DENND1A: variants seen among roughly 807,000 people sequenced by gnomAD.
DENND1A encodes DENN domain containing 1A, also known as DENN domain-containing protein 1A.
Under a neutral mutation model 113.7 loss-of-function variants are expected in DENND1A, and 51 were observed. The observed-to-expected ratio is 0.45, with a 90% CI of 0.36 to 0.57. The LOEUF is 0.57. Among genes scored for constraint, DENND1A ranks in the 20% least tolerant of loss-of-function variants. The probability of loss-of-function intolerance (pLI) is 0.00; values close to 1 mark genes in which losing one functional copy is unlikely to be tolerated. For synonymous variants in DENND1A, 565 were observed against 570.8 expected, an observed-to-expected ratio of 0.99 and a Z score of 0.14; for missense variants, 1,258 against 1,395.9, an observed-to-expected ratio of 0.90 and a Z score of 1.57.
Position 123,879,021 on chromosome 9 carries a change from C to T in DENND1A, c.18G>A (p.Lys6=), listed in dbSNP as rs1847928913. Residue 6 remains lysine (K), a splice_region_variant and synonymous_variant, in exon 2 of 24, where the codon AAG becomes AAA. Coordinates refer to ENST00000394215, the MANE Select transcript of DENND1A (RefSeq NM_001352964.2). MGSRI[K]QNPETTFEVY... ...CTTCAAATGTGGTCTCTGGATTCTGCCTACAAAAGAAACAGATCATGATTA... is the reference window on the plus strand; with the variant it reads ...CTTCAAATGTGGTCTCTGGATTCTGTCTACAAAAGAAACAGATCATGATTA... 1 of 1,613,526 alleles carries T rather than the reference C, an allele frequency of 6.2e-7. No homozygotes were observed. Among genetic ancestry groups the T allele is most frequent in the African/African-American group, 1.3e-5 (1 of 74,886 alleles).
intron 13 of DENND1A, among the ~76,000 whole-genome samples, chr9:123,501,993 A>G (rs527505495): frequency 2.0e-5 from 3 of 152,174 alleles, no homozygotes; most frequent in African/African-American, 7.2e-5. Context: ...ATATATATAT[A>G]TCTCTCCTAT....
At position 123,583,197 on chromosome 9, in the gene DENND1A, T is replaced by A; in HGVS notation, c.839A>T (p.Asp280Val). Residue 280 changes from aspartate (D) to valine (V), a missense_variant, in exon 12 of 24, where the codon GAT (aspartate) becomes GTT (valine). By Grantham distance (152) the Asp-to-Val change is radical. This residue lies in a region of DENND1A where 1,159 missense variants were observed against 1,231.7 expected (regional missense o/e 0.94). Coordinates refer to ENST00000394215, the MANE Select transcript of DENND1A (RefSeq NM_001352964.2). ...GTCGTTTGGGAGGCTCTGGAGGTCA[T>A]CGAAGGGGGTTTCCAGGGTGTTGGT... ...VDTNTLETPF[D>V]DLQSLPNDVI... 1 of 1,612,956 alleles carries A rather than the reference T, an allele frequency of 6.2e-7. No individual in the cohort carries two copies. The highest frequency in any genetic ancestry group is 8.5e-7 in the Non-Finnish European group (1 of 1,179,392).
At chr9:123,698,174 C>T (rs1475081654) in intron 5 of DENND1A, among the ~76,000 whole-genome samples, 1 of 152,014 alleles carries the variant, frequency 6.6e-6, no homozygotes, top group African/African-American at 2.4e-5. Flanking sequence ...AAATCACAGC[C>T]CAAATAAGGT....
At chr9:123,428,078 T>C (rs1199223641) in intron 19 of DENND1A, among the ~76,000 whole-genome samples, 1 of 152,090 alleles carries the variant, frequency 6.6e-6, no homozygotes, top group Admixed American at 6.6e-5. Context: ...CTGAGGCAGG[T>C]AGATCGCTTG....
At chr9:123,862,609 A>G (rs2133306110) in intron 2 of DENND1A, among the ~76,000 whole-genome samples, 1 of 152,300 alleles carries the variant, frequency 6.6e-6, no homozygotes, top group Middle Eastern at 3.4e-3. Context: ...GGCTCACTTT[A>G]AGGTTTCTTA....
At chr9:123,421,968 T>G (rs966523879) in intron 19 of DENND1A, among the ~76,000 whole-genome samples, 15 of 152,012 alleles carry the variant, frequency 9.9e-5, no homozygotes, top group African/African-American at 3.6e-4. Context: ...CACATGCTGG[T>G]CCTATAAGCC....
At chr9:123,748,414 GTCTTCAAACT>G (rs2069714658) in intron 5 of DENND1A, among the ~76,000 whole-genome samples, 1 of 152,150 alleles carries the variant, frequency 6.6e-6, no homozygotes, top group South Asian at 2.1e-4. Flanking sequence ...GAATTGTAGA[GTCTTCAAACT>G]TCTTCAAACT....
intron 1 of DENND1A, among the ~76,000 whole-genome samples, chr9:123,896,786 ACTT>A (rs1850824910): frequency 6.6e-6 from 1 of 152,224 alleles, no homozygotes; most frequent in Non-Finnish European, 1.5e-5. Context: ...GAATTCATGA[ACTT>A]AAAGAAATGA....
At chr9:123,750,994 C>G (rs772403973) in intron 5 of DENND1A, among the ~76,000 whole-genome samples, 4 of 152,174 alleles carry the variant, frequency 2.6e-5, no homozygotes, top group South Asian at 4.1e-4. Context: ...CTCCCTCCCC[C>G]ACCTCCCAAA....
At chr9:123,564,589 G>A (rs1230590304) in intron 12 of DENND1A, among the ~76,000 whole-genome samples, 2 of 152,298 alleles carry the variant, frequency 1.3e-5, no homozygotes, top group East Asian at 1.9e-4. Flanking sequence ...TTGCCCCCCT[G>A]CCTAGAATTC....
At chr9:123,596,039 AAC>A (rs1258309181) in intron 11 of DENND1A, among the ~76,000 whole-genome samples, 1 of 152,210 alleles carries the variant, frequency 6.6e-6, no homozygotes, top group African/African-American at 2.4e-5. Context: ...GAAAGGTGTC[AAC>A]ACCTTTCCCC....
intron 13 of DENND1A, among the ~76,000 whole-genome samples, chr9:123,517,002 A>G (rs138729302): frequency 2.0e-5 from 3 of 151,658 alleles, no homozygotes; most frequent in African/African-American, 4.8e-5. Flanking sequence ...CCTTTAATCC[A>G]GAACTGGAAT....
intron 13 of DENND1A, among the ~76,000 whole-genome samples, chr9:123,516,158 A>G (rs1190867527): frequency 1.5e-5 from 2 of 135,726 alleles, no homozygotes; most frequent in African/African-American, 2.7e-5. Context: ...ACACACACAA[A>G]GGTTGGGGGG....
At position 123,387,819 on chromosome 9, in the gene DENND1A, G is replaced by A. The variant is rs774099975; in HGVS notation, c.1671C>T (p.Ser557=). ...KPLRHYAVFL[S]EDSSDDECQR... is the part of the protein sequence containing the mutation. ...GGCATTCATCATCAGAGGAGTCTTC[G>A]GAGAGGAAGACCGCATAGTGTCGCA... The change falls in exon 22 of 24, where the codon TCC becomes TCT. Residue 557 remains serine, a synonymous_variant. Coordinates refer to ENST00000394215, the MANE Select transcript of DENND1A (RefSeq NM_001352964.2). The A allele has an allele frequency of 2.8e-4, 359 of 1,290,030 alleles. No homozygotes were observed. The highest frequency in any genetic ancestry group is 3.4e-4 in the Non-Finnish European group (338 of 988,924). 79.9% of individuals were successfully genotyped at this position (1,290,030 alleles called of 1,614,324 possible).
intron 3 of DENND1A, among the ~76,000 whole-genome samples, chr9:123,771,986 G>A (rs1444795392): frequency 1.3e-5 from 2 of 152,124 alleles, no homozygotes; most frequent in Non-Finnish European, 2.9e-5. Flanking sequence ...AGTCAAACAA[G>A]ATGGTGGTGT....
intron 3 of DENND1A, among the ~76,000 whole-genome samples, chr9:123,781,791 C>T (rs987352821): frequency 6.6e-6 from 1 of 151,960 alleles, no homozygotes; most frequent in Admixed American, 6.6e-5. Flanking sequence ...AAAAAAAGGC[C>T]GAGCACGGTG....
At chr9:123,740,899 TGAGAGA>T (rs56006420) in intron 5 of DENND1A, among the ~76,000 whole-genome samples, 2,113 of 108,894 alleles carry the variant, frequency 0.019, 47 homozygotes, top group African/African-American at 0.069. Context: ...GAAGGGAAAG[TGAGAGA>T]GAGAGAGAGA....
intron 2 of DENND1A, among the ~76,000 whole-genome samples, chr9:123,863,220 G>A (rs964566214): frequency 6.6e-6 from 1 of 152,150 alleles, no homozygotes; most frequent in Non-Finnish European, 1.5e-5. Context: ...GGAAAATTAG[G>A]ATGGCACTAT....
chr9:123,420,049 C>T (rs2045114984), intron 19 of DENND1A, among the ~76,000 whole-genome samples: 1 of 152,204 alleles, frequency 6.6e-6, no homozygotes, highest in South Asian at 2.1e-4. Flanking sequence ...AGATAACAAG[C>T]TGTCACTCTA....
Sources: gnomAD v4.1 joint callset for allele counts (sites outside exome capture counted in the v4.1 genomes callset) on GRCh38, gnomAD v4.1.1 for gene constraint, gnomAD v4.1.1 regional missense constraint, MANE v1.5 for transcripts, NCBI Gene and HGNC (gene_info 2026-07-23, HGNC 2026-07-21) for gene names.